The following USP28 variants were observed in gnomAD, a reference collection of about 807,000 sequenced individuals.
USP28 encodes ubiquitin carboxyl-terminal hydrolase 28.
A neutral mutation model predicts 145.0 loss-of-function variants in USP28; 113 were observed. The ratio of observed to expected loss-of-function variants is 0.78; its 90% CI spans 0.67 to 0.91. USP28 has a LOEUF of 0.91. USP28 is among the 40% of genes least tolerant of loss of function. The pLI, the probability that USP28 is intolerant of heterozygous loss-of-function variation, is 0.00. For synonymous variants in USP28, 447 were observed against 450.9 expected, an observed-to-expected ratio of 0.99 and a Z score of 0.11; for missense variants, 1,201 against 1,289.6, an observed-to-expected ratio of 0.93 and a Z score of 1.05.
intron 10 of USP28, among the ~76,000 whole-genome samples, chr11:113,827,731 A>C (rs1943540573): frequency 6.6e-6 from 1 of 152,214 alleles, no homozygotes; most frequent in South Asian, 2.1e-4. Flanking sequence ...CAGCTAGCCT[A>C]ACTACAGAAT....
chr11:113,868,164 C>A (rs1948477956), intron 1 of USP28, among the ~76,000 whole-genome samples: 1 of 152,170 alleles, frequency 6.6e-6, no homozygotes, highest in South Asian at 2.1e-4. Flanking sequence ...AAAGCTTTGA[C>A]AGCCCTGTAT....
At position 113,848,940 on chromosome 11, in the gene USP28, G is replaced by A. The variant is rs540328980; in HGVS notation, c.268+3561C>T. ...CCCAGAGATGACTCCTGAGACTTTGGACTAGAGAATTACCACTTGAGGGGC... is the reference window on the plus strand; with the variant it reads ...CCCAGAGATGACTCCTGAGACTTTGAACTAGAGAATTACCACTTGAGGGGC... On this transcript the variant is annotated intron_variant, in intron 3 of 24. Coordinates refer to ENST00000003302, the Ensembl canonical transcript of USP28. 2.2e-4 allele frequency among the ~76,000 whole-genome samples: 33 copies of A among 152,290 alleles called. No homozygotes were observed. In the South Asian group the frequency reaches 6.6e-3, roughly 31 times the overall value.
intron 3 of USP28, among the ~76,000 whole-genome samples, chr11:113,844,683 C>A (rs531338593): frequency 2.0e-5 from 3 of 152,016 alleles, no homozygotes; most frequent in Non-Finnish European, 4.4e-5. Flanking sequence ...CAGAAAAATG[C>A]AAATCAAAAC....
chr11:113,850,623 T>C (rs1270199775), intron 3 of USP28, among the ~76,000 whole-genome samples: 2 of 152,194 alleles, frequency 1.3e-5, no homozygotes, highest in Non-Finnish European at 2.9e-5. Context: ...AGGTTCTCCT[T>C]GGTCTCTCCT....
chr11:113,831,967 C>G (rs768735179), exon 8 of USP28: 3 of 1,613,926 alleles, frequency 1.9e-6, no homozygotes, highest in Non-Finnish European at 2.5e-6. Context: ...AATCCAGGAG[C>G]TTGTGTGTGA....
chr11:113,872,460 C>T (rs1948920167), intron 1 of USP28, among the ~76,000 whole-genome samples: 1 of 150,630 alleles, frequency 6.6e-6, no homozygotes, highest in Non-Finnish European at 1.5e-5. Flanking sequence ...GCACTTCAGC[C>T]TGGGCAACAG....
intron 1 of USP28, among the ~76,000 whole-genome samples, chr11:113,870,184 G>C (rs893631427): frequency 6.6e-6 from 1 of 151,968 alleles, no homozygotes; most frequent in African/African-American, 2.4e-5. Flanking sequence ...CAAGAAAAAA[G>C]TAACAGCAAA....
At chr11:113,817,985 T>C in intron 12 of USP28, 148 bp from the exon 13 acceptor site, 1 of 729,822 alleles carries the variant, frequency 1.4e-6, no homozygotes, top group Non-Finnish European at 2.1e-6. Flanking sequence ...TCAAACAATC[T>C]ATAGGGTAAA....
chr11:113,805,038 A>G, exon 20 of USP28: 1 of 1,613,982 alleles, frequency 6.2e-7, no homozygotes, highest in Non-Finnish European at 8.5e-7. Context: ...AGTATTCTTC[A>G]TGGAATGCCT....
At chr11:113,872,686 A>G (rs1948947620) in intron 1 of USP28, among the ~76,000 whole-genome samples, 1 of 152,226 alleles carries the variant, frequency 6.6e-6, no homozygotes. Flanking sequence ...GCTGACATAA[A>G]GAATGTGTGA....
chr11:113,800,763 CATAGTTAATATGCTAT>C (rs1938848657), intron 24 of USP28, among the ~76,000 whole-genome samples: 1 of 151,908 alleles, frequency 6.6e-6, no homozygotes, highest in African/African-American at 2.4e-5. Context: ...TTGAAGTCAT[CATAGTTAATATGCTAT>C]ATAACTTCAA....
At chr11:113,842,856 T>C (rs909057958) in intron 3 of USP28, among the ~76,000 whole-genome samples, 1 of 149,588 alleles carries the variant, frequency 6.7e-6, no homozygotes, top group African/African-American at 2.4e-5. Flanking sequence ...ACGTTAAGTA[T>C]ATTTGCTTTA....
rs746746382 is a variant in USP28, at chr11:113,833,407, G to C, written c.759+13C>G. The C allele has an allele frequency of 1.9e-6, 3 of 1,607,398 alleles. No individual in the cohort carries two copies. The Admixed American group carries it at 5.2e-5, about 28-fold the overall frequency. ...GCATGACTTCAAACTCAAGAACAAG[G>C]CTTCTTTTGTACCTGCTGTTCCTCA... On this transcript the variant is annotated intron_variant, in intron 7 of 24. Transcript: ENST00000003302.
At chr11:113,810,034 C>CA (rs368686301) in intron 16 of USP28, among the ~76,000 whole-genome samples, 14,594 of 68,094 alleles carry the variant, frequency 0.21, 1,920 homozygotes, top group East Asian at 0.37. Flanking sequence ...GACTCCATCT[C>CA]AAAAAAAAAA....
At chr11:113,817,922 C>CA in intron 12 of USP28, 85 bp from the exon 13 acceptor site, 1 of 1,416,020 alleles carries the variant, frequency 7.1e-7, no homozygotes, top group South Asian at 1.3e-5. Context: ...TTTATCACAG[C>CA]AAGTCAATGG....
exon 17 of USP28, chr11:113,809,106 C>T: frequency 1.2e-6 from 2 of 1,614,156 alleles, no homozygotes; most frequent in Non-Finnish European, 1.7e-6. Context: ...TGGTGGAGGA[C>T]TCCATTTGAG....
In USP28 at chr11:113,803,889, T is replaced by C. The variant is rs530104773; in HGVS notation, c.2659-12A>G. The stretch of plus-strand genomic sequence containing the variant: ...TCTTCATGCCACTTCTGAAAAAGAA[T>C]GACGATTATTAATAATCATGATCAT... On this transcript the variant is annotated splice_polypyrimidine_tract_variant and intron_variant, in intron 21 of 24. Coordinates refer to ENST00000003302, the Ensembl canonical transcript of USP28. 1 of 1,607,400 alleles carries C rather than the reference T, an allele frequency of 6.2e-7. No individual in the cohort carries two copies.
At chr11:113,858,356 T>C (rs914546979) in intron 1 of USP28, among the ~76,000 whole-genome samples, 1 of 152,178 alleles carries the variant, frequency 6.6e-6, no homozygotes, top group Non-Finnish European at 1.5e-5. Context: ...TGCAAACTCA[T>C]TCTCTCATGC....
At chr11:113,830,818 A>G (rs1197147518) in intron 9 of USP28, 49 bp downstream of exon 9, 1 of 1,576,066 alleles carries the variant, frequency 6.3e-7, no homozygotes, top group Non-Finnish European at 8.7e-7. Context: ...ACACAGTAAT[A>G]AAGATATGAT....
Sources: gnomAD v4.1 joint callset for allele counts (sites outside exome capture counted in the v4.1 genomes callset) on GRCh38, gnomAD v4.1.1 for gene constraint, MANE v1.5 for transcripts, NCBI Gene and HGNC (gene_info 2026-07-23, HGNC 2026-07-21) for gene names.